Variants in CALD1 observed in about 807,000 individuals in gnomAD.
The protein encoded by CALD1 is caldesmon.
Under a neutral mutation model 99.9 loss-of-function variants are expected in CALD1, and 33 were observed. That is an observed-to-expected ratio of 0.33 (90% CI 0.25 to 0.44). The LOEUF is 0.44. CALD1 is among the 20% of genes least tolerant of loss of function. The pLI is 1.00. For synonymous variants in CALD1, 310 were observed against 325.0 expected (o/e 0.95, Z 0.50); for missense variants, 861 against 962.1 (o/e 0.89, Z 1.39).
chr7:134,866,947 A>AC (rs1369750556), intron 2 of CALD1: 1 of 151,988 alleles, frequency 6.6e-6, no homozygotes, highest in African/African-American at 2.4e-5. Context: ...GGAATACTTG[A>AC]CTCCATGGCA....
chr7:134,747,742 T>C (rs1222490537), intron 1 of CALD1, among the ~76,000 whole-genome samples: 1 of 152,214 alleles, frequency 6.6e-6, no homozygotes, highest in Non-Finnish European at 1.5e-5. Flanking sequence ...CATGGGGGCA[T>C]GGCTGCCTCT....
chr7:134,886,664 A>G (rs1276693462), intron 3 of CALD1, among the ~76,000 whole-genome samples: 1 of 152,256 alleles, frequency 6.6e-6, no homozygotes, highest in Non-Finnish European at 1.5e-5. Context: ...GGATGACTTA[A>G]TACCTGTGGC....
intron 3 of CALD1, among the ~76,000 whole-genome samples, chr7:134,881,932 G>A (rs182299013): frequency 1.3e-5 from 2 of 152,294 alleles, no homozygotes; most frequent in East Asian, 3.9e-4. Flanking sequence ...GAAGGAAACT[G>A]TGCTGTGCTT....
intron 1 of CALD1, among the ~76,000 whole-genome samples, chr7:134,840,401 A>G (rs924770715): frequency 3.9e-5 from 6 of 152,206 alleles, no homozygotes; most frequent in African/African-American, 1.4e-4. Flanking sequence ...CCATTTTGCA[A>G]GACTCCTTCA....
Position 134,749,032 on chromosome 7 carries a change from G to T in CALD1, c.-130+4669G>T, listed in dbSNP as rs117818436. Among the ~76,000 whole-genome samples the T allele has an allele frequency of 6.9e-4, 105 of 152,318 alleles. 1 individual carries two copies. The East Asian group carries it at 0.019, about 28-fold the overall frequency. Reference sequence around the variant, plus strand: ...AGACCCTGAATCTGCCCTGAGTTTGGACTTCCCGACTTCGGGAGCTGTGAG... The same window carrying T: ...AGACCCTGAATCTGCCCTGAGTTTGTACTTCCCGACTTCGGGAGCTGTGAG... On this transcript the variant is annotated intron_variant, in intron 1 of 13. Transcript: ENST00000417172.
intron 1 of CALD1, among the ~76,000 whole-genome samples, chr7:134,838,489 T>G (rs1799530035): frequency 6.6e-6 from 1 of 152,234 alleles, no homozygotes; most frequent in Non-Finnish European, 1.5e-5. Context: ...GCTGGATGGA[T>G]GGTGAAATTG....
rs1220539950 is a variant in CALD1, at chr7:134,832,593, G to C, written c.-129-11291G>C. Among the ~76,000 whole-genome samples, 7 of 152,238 alleles carry C rather than the reference G, an allele frequency of 4.6e-5. No homozygotes were observed. The East Asian group carries it at 9.7e-4, about 21-fold the overall frequency. On this transcript the variant is annotated intron_variant, in intron 1 of 14. Transcript: ENST00000361675. Reference sequence around the variant, plus strand: ...CCACACTCCTGGATTTCCCTTGTTTGGGTTCAAACAGCCTAAGAACATAAT... The same window carrying C: ...CCACACTCCTGGATTTCCCTTGTTTCGGTTCAAACAGCCTAAGAACATAAT...
At chr7:134,793,369 CTCTA>C (rs1298781407) in intron 1 of CALD1, among the ~76,000 whole-genome samples, 1 of 152,084 alleles carries the variant, frequency 6.6e-6, no homozygotes, top group Non-Finnish European at 1.5e-5. Context: ...TCTCTCTCCT[CTCTA>C]TCTATCCTTA....
intron 2 of CALD1, among the ~76,000 whole-genome samples, chr7:134,849,497 A>G (rs1388314684): frequency 6.6e-6 from 1 of 152,200 alleles, no homozygotes; most frequent in Admixed American, 6.5e-5. Context: ...GTATACTTTA[A>G]ATCATCTCTA....
At chr7:134,958,490 C>T (rs1176274280) in intron 11 of CALD1, among the ~76,000 whole-genome samples, 200 bp downstream of exon 11, 8 of 149,106 alleles carry the variant, frequency 5.4e-5, no homozygotes, top group African/African-American at 9.9e-5. Flanking sequence ...CTCACTGCAA[C>T]GTCTGCCTCC....
At chr7:134,883,878 C>T (rs1160802186) in intron 3 of CALD1, among the ~76,000 whole-genome samples, 1 of 152,038 alleles carries the variant, frequency 6.6e-6, no homozygotes, top group East Asian at 1.9e-4. Context: ...GAGGCCGAGG[C>T]GGGTGGATCA....
At chr7:134,841,963 C>A (rs1007888733) in intron 1 of CALD1, among the ~76,000 whole-genome samples, 1 of 152,178 alleles carries the variant, frequency 6.6e-6, no homozygotes, top group African/African-American at 2.4e-5. Flanking sequence ...GTGTTTTTAG[C>A]CTAGATGTCT....
At chr7:134,856,111 C>A (rs116844687) in intron 2 of CALD1, among the ~76,000 whole-genome samples, 18 of 152,328 alleles carry the variant, frequency 1.2e-4, no homozygotes, top group Non-Finnish European at 2.1e-4. Context: ...CCATTTCAAG[C>A]TGGTTGTCAC....
chr7:134,970,472 TTC>T lies in CALD1; in HGVS notation c.*2131_*2132del, dbSNP rs1808969060. 1.3e-5 allele frequency: 2 copies of T among 152,676 alleles called. No homozygotes were observed. Among genetic ancestry groups the T allele is most frequent in the South Asian group, 4.1e-4 (2 of 4,832 alleles). 9.5% of individuals were successfully genotyped at this position (152,676 alleles called of 1,614,324 possible). ...TCCTTGTTTACTGGTTTGACTATAA[TTC>T]TCTGTTATCTTTACGAGGTAAAACT... On this transcript the variant is annotated 3_prime_UTR_variant, in exon 15 of 15. Transcript: ENST00000361675.
At chr7:134,717,695 C>T in the CALD1 span, among the ~76,000 whole-genome samples, 2 of 152,270 alleles carry the variant, frequency 1.3e-5, no homozygotes, top group African/African-American at 2.4e-5. Flanking sequence ...GAAGGCCCTG[C>T]CAGCTCCACT....
intron 2 of CALD1, among the ~76,000 whole-genome samples, chr7:134,855,270 A>G (rs1345438534): frequency 2.6e-5 from 4 of 152,240 alleles, no homozygotes; most frequent in Admixed American, 6.5e-5. Context: ...CCAGTGGTCA[A>G]TGCAGATCTT....
intron 1 of CALD1, among the ~76,000 whole-genome samples, chr7:134,785,136 T>G (rs1246358521): frequency 6.6e-6 from 1 of 152,186 alleles, no homozygotes; most frequent in Non-Finnish European, 1.5e-5. Flanking sequence ...CAGCTCTCAA[T>G]GGGAATCATT....
At position 134,933,959 on chromosome 7, in the gene CALD1, A is replaced by G. The variant is rs6973420; in HGVS notation, c.1190A>G (p.His397Arg). 0.47 allele frequency: 762,574 copies of G among 1,613,648 alleles called. 185,157 individuals carry two copies. The highest frequency in any genetic ancestry group is 0.87 in the East Asian group (38,972 of 44,864). Reference protein sequence around the residue: ...KRNKQLEEKKHAMQETKIKGE... With the variant: ...KRNKQLEEKKRAMQETKIKGE... Reference sequence around the variant, plus strand: ...AACAAGCAGCTAGAAGAGAAAAAACATGCCATGCAAGAGACAAAGATAAAA... The same window carrying G: ...AACAAGCAGCTAGAAGAGAAAAAACGTGCCATGCAAGAGACAAAGATAAAA... The change falls in exon 5 of 15, where the codon CAT becomes CGT. Residue 397 changes from histidine (H) to arginine (R), a missense_variant. This residue lies in a region of CALD1 where 293 missense variants were observed against 262.7 expected (regional missense o/e 1.12). Transcript: ENST00000361675.
At chr7:134,928,994 A>G in intron 4 of CALD1, 94 bp downstream of exon 4, 1 of 1,115,860 alleles carries the variant, frequency 9.0e-7, no homozygotes, top group Non-Finnish European at 1.3e-6. Context: ...TTCTCAGCCC[A>G]ACTCAACCCT....
Sources: gnomAD v4.1 joint callset for allele counts (sites outside exome capture counted in the v4.1 genomes callset) on GRCh38, gnomAD v4.1.1 for gene constraint, gnomAD v4.1.1 regional missense constraint, MANE v1.5 for transcripts, NCBI Gene and HGNC (gene_info 2026-07-23, HGNC 2026-07-21) for gene names.